Variants in GPATCH1 observed in about 807,000 individuals in gnomAD.
GPATCH1 encodes the protein G patch domain-containing protein 1.
Under a neutral mutation model 114.9 loss-of-function variants are expected in GPATCH1, and 73 were observed. The ratio of observed to expected loss-of-function variants is 0.64; its 90% CI spans 0.53 to 0.77. GPATCH1 has a LOEUF of 0.77. Among genes scored for constraint, GPATCH1 ranks in the 30% least tolerant of loss-of-function variants. The pLI is 0.00. For missense variants in GPATCH1, 1,058 were observed against 1,144.3 expected (o/e 0.92, Z 1.09); for synonymous variants, 391 against 428.4 (o/e 0.91, Z 1.08).
At chr19:33,118,175 A>ATT in intron 16 of GPATCH1, 134 bp downstream of exon 16, 1 of 420,476 alleles carries the variant, frequency 2.4e-6, no homozygotes, top group East Asian at 4.0e-5. Context: ...ATATGTATAT[A>ATT]ATTTTTTTTT....
At chr19:33,089,308 A>G (rs1972569098) in intron 2 of GPATCH1, among the ~76,000 whole-genome samples, 2 of 152,292 alleles carry the variant, frequency 1.3e-5, no homozygotes, top group Non-Finnish European at 2.9e-5. Context: ...GGGAAGAGTC[A>G]CCAGGTGCCC....
At chr19:33,116,823 A>G (rs993600915) in intron 15 of GPATCH1, among the ~76,000 whole-genome samples, 8 of 150,828 alleles carry the variant, frequency 5.3e-5, no homozygotes, top group Admixed American at 2.0e-4. Flanking sequence ...GCCACTGCGC[A>G]TGGCCAATTT....
chr19:33,095,323 C>T (rs1052186015), intron 5 of GPATCH1, among the ~76,000 whole-genome samples: 4 of 140,244 alleles, frequency 2.9e-5, no homozygotes, highest in African/African-American at 8.0e-5. Flanking sequence ...AAGTACAATG[C>T]GCGATCTCGG....
At chr19:33,091,512 C>T (rs1445005968) in intron 3 of GPATCH1, among the ~76,000 whole-genome samples, 1 of 151,508 alleles carries the variant, frequency 6.6e-6, no homozygotes, top group African/African-American at 2.4e-5. Flanking sequence ...AACTCTCAGG[C>T]ACACTGCAGT....
chr19:33,107,281 A>G (rs375949440), intron 10 of GPATCH1, among the ~76,000 whole-genome samples: 21 of 151,852 alleles, frequency 1.4e-4, no homozygotes, highest in Non-Finnish European at 1.8e-4. Flanking sequence ...GGGTCTCACT[A>G]TGTTGCCCAG....
intron 9 of GPATCH1, among the ~76,000 whole-genome samples, chr19:33,104,338 C>CAAAAAATAA (rs1972759603): frequency 8.0e-6 from 1 of 124,934 alleles, no homozygotes; most frequent in Non-Finnish European, 1.6e-5. Flanking sequence ...GACCCTGTCT[C>CAAAAAATAA]AAAAAAAAGA....
rs373886164 is a variant in GPATCH1 at position 33,130,202 on chromosome 19, A to G, written c.*42A>G. 7.2e-6 allele frequency: 10 copies of G among 1,394,956 alleles called. No individual in the cohort carries two copies. The highest frequency in any genetic ancestry group is 1.2e-5 in the South Asian group (1 of 86,416). 86.4% of individuals were successfully genotyped at this position (1,394,956 alleles called of 1,614,324 possible). A position where few individuals can be genotyped will look rare whatever the true frequency, so the allele number is the denominator to read the frequency against. On this transcript the variant is annotated 3_prime_UTR_variant, in exon 20 of 20. Transcript: ENST00000170564. ...CTCGTCCTAGAATCATTTCTCCTCC[A>G]TGATGGAAGCCCAGTGATTGTTCAG...
intron 9 of GPATCH1, among the ~76,000 whole-genome samples, chr19:33,104,024 CAGAG>C (rs1484457978): frequency 3.3e-5 from 5 of 152,082 alleles, no homozygotes; most frequent in Admixed American, 2.0e-4. Flanking sequence ...GGCAGACAGA[CAGAG>C]AGAAATACTT....
Position 33,101,584 on chromosome 19 carries a change from A to G in GPATCH1, c.1080+10A>G. The G allele has an allele frequency of 2.1e-6, 3 of 1,428,776 alleles. No homozygotes were observed. Among genetic ancestry groups the G allele is most frequent in the Non-Finnish European group, 2.9e-6 (3 of 1,019,178 alleles). The allele number at this position is 1,428,776 out of a possible 1,614,324, so 88.5% of individuals were successfully genotyped here. On this transcript the variant is annotated intron_variant, in intron 9 of 19. Transcript: ENST00000170564. ...TTTATCTTCTAAGAAAGTAAGAAAA[A>G]CTTTTTTTCTTTCTTTTTTTACTGG...
At chr19:33,112,875 C>T in intron 13 of GPATCH1, 1 of 305,558 alleles carries the variant, frequency 3.3e-6, no homozygotes. Context: ...AAGCATTATG[C>T]CTCTCTCATT....
intron 18 of GPATCH1, 123 bp downstream of exon 18, chr19:33,125,325 C>G: frequency 9.4e-7 from 1 of 1,063,506 alleles, no homozygotes; most frequent in Non-Finnish European, 1.3e-6. Flanking sequence ...CTCTCTGAGA[C>G]TTAACAGAAA....
chr19:33,111,511 A>C (rs984331339), intron 11 of GPATCH1, among the ~76,000 whole-genome samples: 21 of 151,798 alleles, frequency 1.4e-4, no homozygotes, highest in Admixed American at 1.2e-3. Flanking sequence ...AGGCATGAAC[A>C]ACTGCGCCTG....
chr19:33,096,684 A>G (rs756006014), intron 7 of GPATCH1, among the ~76,000 whole-genome samples: 1 of 151,964 alleles, frequency 6.6e-6, no homozygotes, highest in Non-Finnish European at 1.5e-5. Flanking sequence ...GCTGGAGTGC[A>G]GTGGTGCGAT....
At chr19:33,085,571 T>C (rs2145298965) in intron 1 of GPATCH1, among the ~76,000 whole-genome samples, 1 of 152,154 alleles carries the variant, frequency 6.6e-6, no homozygotes, top group South Asian at 2.1e-4. Flanking sequence ...GAAATTTTGG[T>C]CAGGGAATGA....
intron 9 of GPATCH1, among the ~76,000 whole-genome samples, chr19:33,101,916 C>G (rs1484005097): frequency 6.6e-6 from 1 of 151,652 alleles, no homozygotes; most frequent in African/African-American, 2.4e-5. Flanking sequence ...GTAATCCCAG[C>G]TACTAGGGAG....
At chr19:33,128,522 A>G (rs1050731494) in intron 19 of GPATCH1, among the ~76,000 whole-genome samples, 1 of 152,152 alleles carries the variant, frequency 6.6e-6, no homozygotes, top group Admixed American at 6.5e-5. Context: ...GGCCTCCCAA[A>G]GTGCCGGGAT....
At chr19:33,127,585 A>G (rs1392332497) in intron 19 of GPATCH1, among the ~76,000 whole-genome samples, 2 of 151,974 alleles carry the variant, frequency 1.3e-5, no homozygotes, top group African/African-American at 2.4e-5. Context: ...AGCCCTGACT[A>G]GTTCTCCAAA....
intron 19 of GPATCH1, among the ~76,000 whole-genome samples, chr19:33,129,057 T>C (rs551577105): frequency 6.6e-6 from 1 of 151,338 alleles, no homozygotes; most frequent in Non-Finnish European, 1.5e-5. Context: ...ACTATCCTGG[T>C]TAACACAATG....
intron 18 of GPATCH1, 79 bp downstream of exon 18, chr19:33,125,281 G>C: frequency 6.8e-7 from 1 of 1,480,470 alleles, no homozygotes. Flanking sequence ...ATATACTGCA[G>C]CTGAAGAGCG....
Sources: allele counts gnomAD v4.1 joint callset (sites outside exome capture counted in the v4.1 genomes callset), GRCh38; gene constraint gnomAD v4.1.1; transcripts MANE v1.5; gene names NCBI Gene and HGNC (gene_info 2026-07-23, HGNC 2026-07-21).